The following GTF2A1L variants were observed in gnomAD, a reference collection of about 807,000 sequenced individuals.
GTF2A1L encodes the protein general transcription factor IIA subunit 1 like.
Under a neutral mutation model 49.7 loss-of-function variants are expected in GTF2A1L, and 48 were observed. The observed-to-expected ratio is 0.97, with a 90% CI of 0.77 to 1.23. The LOEUF (loss-of-function observed/expected upper bound fraction) is 1.23. Among genes scored for constraint, GTF2A1L ranks in the 50% most tolerant of loss-of-function variants. GTF2A1L has a pLI of 0.00. For synonymous variants in GTF2A1L, 246 were observed against 193.5 expected (o/e 1.27, Z -2.25); for missense variants, 736 against 564.8 (o/e 1.30, Z -3.07).
intron 6 of GTF2A1L, among the ~76,000 whole-genome samples, chr2:48,660,437 A>G (rs1054774279): frequency 2.0e-5 from 3 of 151,978 alleles, no homozygotes; most frequent in Non-Finnish European, 4.4e-5. Flanking sequence ...TTGATTACTT[A>G]TTCAGTCTAC....
intron 2 of GTF2A1L, 103 bp downstream of exon 2, chr2:48,621,055 C>A: frequency 1.3e-6 from 2 of 1,503,222 alleles, no homozygotes; most frequent in Non-Finnish European, 8.9e-7. Context: ...AGTACTTACC[C>A]ATTCATTGTG....
intron 8 of GTF2A1L, among the ~76,000 whole-genome samples, chr2:48,674,634 A>C (rs569444786): frequency 1.3e-5 from 2 of 152,300 alleles, no homozygotes; most frequent in African/African-American, 4.8e-5. Flanking sequence ...CTATAAAAAA[A>C]CATTATAAGG....
chr2:48,671,480 A>C, intron 7 of GTF2A1L, 111 bp from the exon 8 acceptor site: 2 of 1,101,452 alleles, frequency 1.8e-6, no homozygotes, highest in Non-Finnish European at 2.6e-6. Context: ...CTGGGATTAT[A>C]GGAATGAGCC....
At chr2:48,669,313 G>C (rs774400167) in intron 6 of GTF2A1L, among the ~76,000 whole-genome samples, 2 of 152,046 alleles carry the variant, frequency 1.3e-5, no homozygotes, top group Non-Finnish European at 2.9e-5. Flanking sequence ...ATTTCACTTA[G>C]TGTAATCCTT....
At chr2:48,649,923 C>T (rs1285564962) in intron 6 of GTF2A1L, among the ~76,000 whole-genome samples, 1 of 152,196 alleles carries the variant, frequency 6.6e-6, no homozygotes, top group Non-Finnish European at 1.5e-5. Context: ...TTATTTCCTA[C>T]TTCTCTTTTT....
At chr2:48,661,247 C>CTTTTTTTTTTT (rs70946820) in intron 6 of GTF2A1L, among the ~76,000 whole-genome samples, 1 of 62,744 alleles carries the variant, frequency 1.6e-5, no homozygotes, top group African/African-American at 7.7e-5. Context: ...CATCCCCAAA[C>CTTTTTTTTTTT]TTTTTTTTTT....
At chr2:48,656,851 C>T (rs945245460) in intron 6 of GTF2A1L, among the ~76,000 whole-genome samples, 2 of 152,018 alleles carry the variant, frequency 1.3e-5, no homozygotes, top group East Asian at 1.9e-4. Flanking sequence ...GCTCTTTGAT[C>T]CATTTTGAGT....
At chr2:48,669,042 T>C (rs989326512) in intron 6 of GTF2A1L, among the ~76,000 whole-genome samples, 1 of 152,152 alleles carries the variant, frequency 6.6e-6, no homozygotes, top group African/African-American at 2.4e-5. Context: ...CATAAAAATT[T>C]GCCATTTTAC....
chr2:48,643,254 C>T lies in GTF2A1L; in HGVS notation c.303+797C>T, dbSNP rs3792244. ...CCTTAGTACTTGAAGGCAGAAGATA[C>T]ATTTACAAGTTAACATAGAAAACCA... is the stretch of plus-strand genomic sequence containing the variant. On this transcript the variant is annotated intron_variant, in intron 4 of 8. Coordinates refer to ENST00000403751, the MANE Select transcript of GTF2A1L (RefSeq NM_006872.5). Among the ~76,000 whole-genome samples the T allele has an allele frequency of 7.9e-5, 12 of 152,250 alleles. No homozygotes were observed. In the East Asian group the frequency reaches 1.7e-3, roughly 22 times the overall value.
At chr2:48,659,513 T>G (rs1678372253) in intron 6 of GTF2A1L, among the ~76,000 whole-genome samples, 1 of 152,150 alleles carries the variant, frequency 6.6e-6, no homozygotes, top group Admixed American at 6.5e-5. Context: ...GCAAACACTC[T>G]TGTTGGGTTT....
chr2:48,671,227 G>C (rs181136626), intron 7 of GTF2A1L, among the ~76,000 whole-genome samples: 249 of 152,060 alleles, frequency 1.6e-3, no homozygotes, highest in African/African-American at 5.8e-3. Context: ...TTTTGAGATG[G>C]AGTCTCGCTC....
intron 1 of GTF2A1L, among the ~76,000 whole-genome samples, chr2:48,619,468 T>TG (rs1436988184): frequency 7.9e-6 from 1 of 125,966 alleles, no homozygotes; most frequent in South Asian, 2.6e-4. Flanking sequence ...AGACTCCATC[T>TG]CAAAAAAAAA....
chr2:48,650,550 A>G (rs1032463461), intron 6 of GTF2A1L, among the ~76,000 whole-genome samples: 2 of 152,162 alleles, frequency 1.3e-5, no homozygotes, highest in South Asian at 2.1e-4. Context: ...AAAATATAAA[A>G]TGTCCTATCA....
At chr2:48,670,771 T>C (rs1371999118) in intron 7 of GTF2A1L, among the ~76,000 whole-genome samples, 2 of 152,168 alleles carry the variant, frequency 1.3e-5, no homozygotes, top group Admixed American at 1.3e-4. Flanking sequence ...TGGAGAGTTT[T>C]AGTAACTTGC....
chr2:48,667,316 A>G (rs1405462783), intron 6 of GTF2A1L, among the ~76,000 whole-genome samples: 2 of 152,140 alleles, frequency 1.3e-5, no homozygotes, highest in Non-Finnish European at 2.9e-5. Flanking sequence ...TGAAGTAAAT[A>G]GTATTTATAG....
intron 6 of GTF2A1L, among the ~76,000 whole-genome samples, chr2:48,668,887 C>T (rs555543180): frequency 6.7e-6 from 1 of 149,328 alleles, no homozygotes; most frequent in African/African-American, 2.6e-5. Flanking sequence ...TTAGAAAATG[C>T]CTATAAAATA....
intron 6 of GTF2A1L, among the ~76,000 whole-genome samples, chr2:48,657,579 T>G (rs1202591987): frequency 6.6e-6 from 1 of 152,108 alleles, no homozygotes; most frequent in Non-Finnish European, 1.5e-5. Context: ...TGCAGGTACG[T>G]TTTTGGTAGA....
chr2:48,676,925 A>AT (rs71399076), intron 8 of GTF2A1L, among the ~76,000 whole-genome samples: 13 of 144,242 alleles, frequency 9.0e-5, no homozygotes, highest in African/African-American at 1.5e-4. Flanking sequence ...TCAACTTTTT[A>AT]TTTTTTTTTT....
chr2:48,649,428 T>G (rs146774787), intron 6 of GTF2A1L, among the ~76,000 whole-genome samples: 1 of 152,148 alleles, frequency 6.6e-6, no homozygotes, highest in African/African-American at 2.4e-5. Flanking sequence ...CTCTTCTACC[T>G]CTTACTCTGC....
Sources: gnomAD v4.1 joint callset for allele counts (sites outside exome capture counted in the v4.1 genomes callset) on GRCh38, gnomAD v4.1.1 for gene constraint, MANE v1.5 for transcripts, NCBI Gene and HGNC (gene_info 2026-07-23, HGNC 2026-07-21) for gene names.